HS3ST4: variants seen among roughly 807,000 people sequenced by gnomAD.
HS3ST4 encodes the protein heparan sulfate glucosamine 3-O-sulfotransferase 4.
Under a neutral mutation model 29.2 loss-of-function variants are expected in HS3ST4, and 17 were observed. The ratio of observed to expected loss-of-function variants is 0.58; its 90% confidence interval spans 0.40 to 0.87. The LOEUF (loss-of-function observed/expected upper bound fraction) is 0.87, where lower values mean the gene tolerates loss of function less well. Ranked by LOEUF, HS3ST4 falls within the 40% of genes least tolerant of loss-of-function variation. The pLI, the probability that HS3ST4 is intolerant of heterozygous loss-of-function variation, is 0.00. For synonymous variants in HS3ST4, 314 were observed against 285.7 expected, an observed-to-expected ratio of 1.10 and a Z score of -1.00; for missense variants, 627 against 634.5, an observed-to-expected ratio of 0.99 and a Z score of 0.13.
intron 1 of HS3ST4, among the ~76,000 whole-genome samples, chr16:26,070,520 A>T (rs1306235282): frequency 6.6e-6 from 1 of 152,232 alleles, no homozygotes; most frequent in Non-Finnish European, 1.5e-5. Flanking sequence ...TAAGATAAAT[A>T]AATGGCTATT....
intron 1 of HS3ST4, among the ~76,000 whole-genome samples, chr16:26,029,364 T>C (rs574236309): frequency 2.6e-5 from 4 of 152,068 alleles, no homozygotes; most frequent in Non-Finnish European, 4.4e-5. Context: ...ATCTTAAAAT[T>C]CTTAATAATT....
intron 1 of HS3ST4, among the ~76,000 whole-genome samples, chr16:25,966,595 C>A (rs1168434179): frequency 6.6e-6 from 1 of 152,104 alleles, no homozygotes; most frequent in Non-Finnish European, 1.5e-5. Context: ...TGACTTTTGA[C>A]TAGGGAGTAA....
intron 1 of HS3ST4, among the ~76,000 whole-genome samples, chr16:25,911,496 GTTTTTTTTTTTTTT>G (rs542274531): frequency 1.2e-5 from 1 of 82,000 alleles, no homozygotes; most frequent in African/African-American, 4.8e-5. Flanking sequence ...CCGTTGTGTG[GTTTTTTTTTTTTTT>G]TTTTTTTTTT....
intron 1 of HS3ST4, among the ~76,000 whole-genome samples, chr16:25,829,293 A>C (rs948582293): frequency 6.6e-6 from 1 of 152,266 alleles, no homozygotes. Context: ...CCTAGAGGAG[A>C]AAAGACATTT....
At chr16:25,996,359 T>C (rs1969159277) in intron 1 of HS3ST4, among the ~76,000 whole-genome samples, 1 of 151,962 alleles carries the variant, frequency 6.6e-6, no homozygotes, top group Non-Finnish European at 1.5e-5. Flanking sequence ...ATACTTTACA[T>C]ATCTAGACAA....
chr16:26,136,670 C>G lies in HS3ST4; in HGVS notation c.*422C>G. 5.4e-6 allele frequency: 1 copy of G among 185,192 alleles called. No individual in the cohort carries two copies. The highest frequency in any genetic ancestry group is 5.3e-5 in the Admixed American group (1 of 18,798). 11.5% of individuals were successfully genotyped at this position (185,192 alleles called of 1,614,324 possible). A position where few individuals can be genotyped will look rare whatever the true frequency, so the allele number is the denominator to read the frequency against. On this transcript the variant is annotated 3_prime_UTR_variant, in exon 2 of 2. Transcript: ENST00000331351. ...TCTAGCCCTGTATCTGTCATGGGCA[C>G]CTGCTGTCTAAACCTCTGCTTGGGC...
chr16:26,006,981 A>T (rs1312260371), intron 1 of HS3ST4, among the ~76,000 whole-genome samples: 1 of 152,242 alleles, frequency 6.6e-6, no homozygotes, highest in Non-Finnish European at 1.5e-5. Context: ...GGTTAAAGGC[A>T]CGATGAGGGT....
At chr16:26,048,513 G>A (rs180796300) in intron 1 of HS3ST4, among the ~76,000 whole-genome samples, 6 of 152,304 alleles carry the variant, frequency 3.9e-5, no homozygotes, top group African/African-American at 1.4e-4. Flanking sequence ...CTAGGACACA[G>A]CATTCAACAA....
intron 1 of HS3ST4, among the ~76,000 whole-genome samples, chr16:26,106,578 C>G (rs1899060284): frequency 6.6e-6 from 1 of 152,210 alleles, no homozygotes; most frequent in South Asian, 2.1e-4. Context: ...AACCAACCCT[C>G]TGGTGAGACT....
At chr16:26,095,910 T>C (rs1026028836) in intron 1 of HS3ST4, among the ~76,000 whole-genome samples, 2 of 151,660 alleles carry the variant, frequency 1.3e-5, no homozygotes, top group Non-Finnish European at 1.5e-5. Context: ...ATCAAATAGA[T>C]GCAACAAAAA....
intron 1 of HS3ST4, among the ~76,000 whole-genome samples, chr16:25,955,451 C>T (rs1968722737): frequency 6.6e-6 from 1 of 152,136 alleles, no homozygotes; most frequent in African/African-American, 2.4e-5. Context: ...CTCCTGGAAA[C>T]CCATAAAAGT....
chr16:26,096,815 A>ATTGTATATTTAGAAAACC (rs1236802292), intron 1 of HS3ST4, among the ~76,000 whole-genome samples: 1 of 152,204 alleles, frequency 6.6e-6, no homozygotes. Flanking sequence ...AGATGACATG[A>ATTGTATATTTAGAAAACC]TTGTATATTT....
intron 1 of HS3ST4, among the ~76,000 whole-genome samples, chr16:26,035,833 A>G (rs1341657571): frequency 1.3e-5 from 2 of 152,220 alleles, no homozygotes; most frequent in Non-Finnish European, 2.9e-5. Context: ...TCTTAGTGGT[A>G]TCTCCTTGTT....
chr16:26,084,578 G>T (rs1018453071), intron 1 of HS3ST4, among the ~76,000 whole-genome samples: 3 of 152,004 alleles, frequency 2.0e-5, no homozygotes, highest in African/African-American at 7.2e-5. Flanking sequence ...TATCTCCTGA[G>T]ATCCTTATTG....
At chr16:26,098,860 A>G (rs947169117) in intron 1 of HS3ST4, among the ~76,000 whole-genome samples, 3 of 152,056 alleles carry the variant, frequency 2.0e-5, no homozygotes, top group African/African-American at 7.2e-5. Flanking sequence ...GGGTGTTGGT[A>G]TACCTAACTA....
intron 1 of HS3ST4, among the ~76,000 whole-genome samples, chr16:26,092,144 G>C (rs1158549517): frequency 6.6e-6 from 1 of 152,080 alleles, no homozygotes; most frequent in Admixed American, 6.5e-5. Context: ...AACATCTTGG[G>C]ACCTCTAGAA....
chr16:25,806,206 C>T (rs550365636), intron 1 of HS3ST4, among the ~76,000 whole-genome samples: 6 of 152,198 alleles, frequency 3.9e-5, no homozygotes, highest in African/African-American at 9.6e-5. Context: ...ACATTGCCTA[C>T]ATCTCTCAGA....
intron 1 of HS3ST4, among the ~76,000 whole-genome samples, chr16:25,838,178 A>G (rs938846684): frequency 1.3e-5 from 2 of 152,232 alleles, no homozygotes; most frequent in Non-Finnish European, 2.9e-5. Flanking sequence ...GGAATCGTGT[A>G]TCCTACTTAT....
At chr16:25,760,426 T>TTG (rs1015470521) in intron 1 of HS3ST4, among the ~76,000 whole-genome samples, 1 of 150,954 alleles carries the variant, frequency 6.6e-6, no homozygotes, top group African/African-American at 2.4e-5. Context: ...ACTCCATGTT[T>TTG]TTTTTTTTTT....
Sources: gnomAD v4.1 joint callset for allele counts (sites outside exome capture counted in the v4.1 genomes callset) on GRCh38, gnomAD v4.1.1 for gene constraint, MANE v1.5 for transcripts, NCBI Gene and HGNC (gene_info 2026-07-23, HGNC 2026-07-21) for gene names.